The following ABCG8 variants were observed in gnomAD, a reference collection of about 807,000 sequenced individuals.
ABCG8 encodes the protein ATP-binding cassette sub-family G member 8.
In ABCG8, 81 loss-of-function variants were observed where a neutral mutation model predicts 71.3. That is an observed-to-expected ratio of 1.14 (90% CI 0.95 to 1.37). The LOEUF (loss-of-function observed/expected upper bound fraction) is 1.37, where lower values mean the gene tolerates loss of function less well. Among genes scored for constraint, ABCG8 ranks in the 40% most tolerant of loss-of-function variants. The pLI, the probability that ABCG8 is intolerant of heterozygous loss-of-function variation, is 0.00. For missense variants in ABCG8, 1,119 were observed against 866.2 expected, an observed-to-expected ratio of 1.29 and a Z score of -3.66; for synonymous variants, 451 against 354.7, an observed-to-expected ratio of 1.27 and a Z score of -3.05.
At chr2:43,845,102 A>G (rs868656027) in intron 2 of ABCG8, among the ~76,000 whole-genome samples, 108 of 141,836 alleles carry the variant, frequency 7.6e-4, no homozygotes, top group African/African-American at 2.0e-3. Flanking sequence ...GTGTGTGTAT[A>G]TATATATATA....
rs187878781 is a variant in ABCG8, at chr2:43,854,530, G to C, written c.964+1662G>C. 2.0e-5 allele frequency among the ~76,000 whole-genome samples: 3 copies of C among 151,750 alleles called. No homozygotes were observed. In the East Asian group the frequency reaches 5.8e-4, roughly 29 times the overall value. On this transcript the variant is annotated intron_variant, in intron 6 of 12. Transcript: ENST00000272286. ...TAGTACCAGCTACTTGGGAGGCTGA[G>C]GCACGAGAATTGCTTGAACCTGAGA... is the stretch of plus-strand genomic sequence containing the variant.
At position 43,881,944 on chromosome 2, in the gene ABCG8, C is replaced by T. The variant is rs954918004; in HGVS notation, c.*4031C>T. ...TGAGAGCAGCTGTAGACTATAGTAA[C>T]GTACAGCCGGTGTGGCTGTCTTCTA... On this transcript the variant is annotated 3_prime_UTR_variant, in exon 13 of 13. Coordinates refer to ENST00000272286, the MANE Select transcript of ABCG8 (RefSeq NM_022437.3). 1.3e-5 allele frequency: 2 copies of T among 152,154 alleles called. No individual in the cohort carries two copies. The highest frequency in any genetic ancestry group is 4.8e-5 in the African/African-American group (2 of 41,428). 9.4% of individuals were successfully genotyped at this position (152,154 alleles called of 1,614,324 possible). A position where few individuals can be genotyped will look rare whatever the true frequency, so the allele number is the denominator to read the frequency against.
intron 6 of ABCG8, among the ~76,000 whole-genome samples, chr2:43,867,477 A>G (rs149082381): frequency 0.053 from 7,956 of 151,082 alleles, 254 homozygotes; most frequent in Middle Eastern, 0.12. Flanking sequence ...CTCACTATCT[A>G]GATAGAATTC....
chr2:43,870,866 C>T (rs1669740795), intron 6 of ABCG8, among the ~76,000 whole-genome samples: 1 of 150,980 alleles, frequency 6.6e-6, no homozygotes, highest in African/African-American at 2.4e-5. Flanking sequence ...AACTCTCACT[C>T]TCTGTCTCAT....
rs1668741586 is a variant in ABCG8, at chr2:43,846,304, G to T, written c.315G>T (p.Gly105=). The part of the protein sequence containing the change: ...VRSGQMLAII[G]SSGCGRASLL... ...GTGGGCAGATGCTGGCCATCATAGG[G>T]AGCTCAGGTACCGGAAAGGCAAATC... The change falls in exon 3 of 13, where the codon GGG becomes GGT. Residue 105 remains glycine, a synonymous_variant. Transcript: ENST00000272286. 6.2e-7 allele frequency: 1 copy of T among 1,614,162 alleles called. No homozygotes were observed.
At chr2:43,877,755 A>G in intron 12 of ABCG8, 21 bp from the exon 13 acceptor site, 1 of 1,614,122 alleles carries the variant, frequency 6.2e-7, no homozygotes, top group Non-Finnish European at 8.5e-7. Flanking sequence ...TCATGAGCCC[A>G]CTGCATGTCT....
At position 43,873,716 on chromosome 2, in the gene ABCG8, C is replaced by G. The variant is rs961300808; in HGVS notation, c.1212-71C>G. The G allele has an allele frequency of 2.0e-6, 3 of 1,503,026 alleles. No individual in the cohort carries two copies. In the African/African-American group the frequency reaches 4.1e-5, roughly 21 times the overall value. The allele number at this position is 1,503,026 out of a possible 1,614,324, so 93.1% of individuals were successfully genotyped here. The stretch of plus-strand genomic sequence containing the variant: ...AGGAGAAAAATGAGGCTTATGGAGA[C>G]TGTGACATTCCCAGGGTCACGGGGC... On this transcript the variant is annotated intron_variant, in intron 8 of 12. Coordinates refer to ENST00000272286, the MANE Select transcript of ABCG8 (RefSeq NM_022437.3).
chr2:43,871,127 G>GA (rs1669752033), intron 6 of ABCG8, among the ~76,000 whole-genome samples: 1 of 146,186 alleles, frequency 6.8e-6, no homozygotes, highest in Admixed American at 6.8e-5. Context: ...TCACTATCTG[G>GA]ATAGAATTCT....
At chr2:43,854,923 C>T (rs1669049703) in intron 6 of ABCG8, among the ~76,000 whole-genome samples, 1 of 152,152 alleles carries the variant, frequency 6.6e-6, no homozygotes, top group Admixed American at 6.5e-5. Context: ...GAGGCAGGGG[C>T]TGATCAGATT....
chr2:43,856,482 C>T (rs1167127336), intron 6 of ABCG8, among the ~76,000 whole-genome samples: 1 of 151,978 alleles, frequency 6.6e-6, no homozygotes, highest in East Asian at 1.9e-4. Flanking sequence ...AGAACTCTCA[C>T]CATGTGTATA....
intron 6 of ABCG8, among the ~76,000 whole-genome samples, chr2:43,861,548 G>A (rs1669319913): frequency 6.7e-6 from 1 of 149,160 alleles, no homozygotes. Context: ...CTCAGCATCT[G>A]GATAAAACTC....
At chr2:43,869,089 C>G (rs1229425459) in intron 6 of ABCG8, among the ~76,000 whole-genome samples, 1 of 151,308 alleles carries the variant, frequency 6.6e-6, no homozygotes, top group Non-Finnish European at 1.5e-5. Context: ...TTCTCATTCT[C>G]TGGATTGATC....
Position 43,846,276 on chromosome 2 carries a change from G to A in ABCG8, c.287G>A (p.Arg96Lys). The A allele has an allele frequency of 6.2e-7, 1 of 1,614,218 alleles. No individual in the cohort carries two copies. Among genetic ancestry groups the A allele is most frequent in the Non-Finnish European group, 8.5e-7 (1 of 1,180,040 alleles). ...ATCCAGAACCTAAGCTTCAAAGTGA[G>A]AAGTGGGCAGATGCTGGCCATCATA... ...LGIQNLSFKV[R>K]SGQMLAIIGS... is the part of the protein sequence containing the mutation. Residue 96 changes from arginine (R) to lysine (K), a missense_variant, in exon 3 of 13, where the codon AGA (arginine) becomes AAA (lysine). Arg to Lys is a conservative substitution (Grantham distance 26, BLOSUM62 2). Transcript: ENST00000272286.
chr2:43,862,264 AACTCTCACTATCTGGGTAGT>A, intron 6 of ABCG8, among the ~76,000 whole-genome samples: 1 of 147,020 alleles, frequency 6.8e-6, no homozygotes, highest in African/African-American at 2.5e-5. Context: ...ATCTGGATAG[AACTCTCACTATCTGGGTAGT>A]ATTCTCACTC....
rs6544718 is a variant in ABCG8, at chr2:43,877,786, T to C, written c.1895T>C (p.Val632Ala). Residue 632 changes from valine to alanine, a missense_variant, in exon 13 of 13, where the codon GTC (valine) becomes GCC (alanine). Val to Ala is a moderately conservative substitution (Grantham distance 64, BLOSUM62 0). Coordinates refer to ENST00000272286, the MANE Select transcript of ABCG8 (RefSeq NM_022437.3). Reference sequence around the variant, plus strand: ...TGTCTGTGTCTCCAGATCCTCAGTGTCATGGAGCTGGACTCGTACCCTCTC... The same window carrying C: ...TGTCTGTGTCTCCAGATCCTCAGTGCCATGGAGCTGGACTCGTACCCTCTC... Reference protein sequence around the residue: ...IAVSGDKILSVMELDSYPLYA... With the variant: ...IAVSGDKILSAMELDSYPLYA... 0.8 allele frequency: 1,297,076 copies of C among 1,614,012 alleles called. 524,666 individuals are homozygous for C. Among genetic ancestry groups the C allele is most frequent in the East Asian group, 1 (44,857 of 44,876 alleles).
chr2:43,856,876 C>T (rs897614537), intron 6 of ABCG8, among the ~76,000 whole-genome samples: 5 of 151,484 alleles, frequency 3.3e-5, no homozygotes, highest in African/African-American at 1.2e-4. Context: ...AAAACTCTCA[C>T]TATCTGTCTG....
At chr2:43,862,957 A>G (rs1374483247) in intron 6 of ABCG8, among the ~76,000 whole-genome samples, 1 of 150,914 alleles carries the variant, frequency 6.6e-6, no homozygotes, top group Non-Finnish European at 1.5e-5. Context: ...AACTCTTACT[A>G]TCAATCTGGA....
Position 43,881,752 on chromosome 2 carries a change from G to T in ABCG8, c.*3839G>T, listed in dbSNP as rs1483368073. The T allele has an allele frequency of 6.6e-6, 1 of 151,412 alleles. No homozygotes were observed. Among genetic ancestry groups the T allele is most frequent in the Non-Finnish European group, 1.5e-5 (1 of 67,972 alleles). 9.4% of individuals were successfully genotyped at this position (151,412 alleles called of 1,614,324 possible). On this transcript the variant is annotated 3_prime_UTR_variant, in exon 13 of 13. Transcript: ENST00000272286. ...CCAAGGCTCTCGAGGCATGCATGCT[G>T]TTCAGCGAGCCCTGCCCTGCATTGC... is the stretch of plus-strand genomic sequence containing the variant.
chr2:43,846,204 A>C lies in ABCG8; in HGVS notation c.215A>C (p.Lys72Thr). 11 of 1,614,090 alleles carry C rather than the reference A, an allele frequency of 6.8e-6. No individual in the cohort carries two copies. The highest frequency in any genetic ancestry group is 2.2e-5 in the East Asian group (1 of 44,884). The part of the protein sequence containing the change: ...VPWFEQLAQF[K>T]MPWTSPSCQN... ...TGGTTTGAGCAGCTGGCTCAGTTCA[A>C]GATGCCCTGGACATCTCCCAGCTGC... is the stretch of plus-strand genomic sequence containing the variant. Residue 72 changes from lysine (K) to threonine (T), a missense_variant, in exon 3 of 13, where the codon AAG (lysine) becomes ACG (threonine). Lys to Thr is a moderately conservative substitution (Grantham distance 78). Coordinates refer to ENST00000272286, the MANE Select transcript of ABCG8 (RefSeq NM_022437.3).
Sources: allele counts gnomAD v4.1 joint callset (sites outside exome capture counted in the v4.1 genomes callset), GRCh38; gene constraint gnomAD v4.1.1; transcripts MANE v1.5; gene names NCBI Gene and HGNC (gene_info 2026-07-23, HGNC 2026-07-21).